The following COL17A1 variants were observed in gnomAD, a reference collection of about 807,000 sequenced individuals.
The protein encoded by COL17A1 is collagen type XVII alpha 1 chain.
A neutral mutation model predicts 218.4 loss-of-function variants in COL17A1; 181 were observed. That is an observed-to-expected ratio of 0.83 (90% confidence interval 0.73 to 0.94). COL17A1 has a LOEUF of 0.94. Among genes scored for constraint, COL17A1 ranks in the 40% least tolerant of loss-of-function variants. The pLI is 0.00. For synonymous variants in COL17A1, 721 were observed against 731.0 expected, an observed-to-expected ratio of 0.99 and a Z score of 0.22; for missense variants, 1,924 against 1,945.9, an observed-to-expected ratio of 0.99 and a Z score of 0.21.
chr10:104,035,259 C>G lies in COL17A1; in HGVS notation c.3619+4G>C, dbSNP rs973181118. ...CCTCCCCATCCCACTCCACAGTGCCCTACTATGTAAGTAAGACGAGAGGTC... is the reference window on the plus strand; with the variant it reads ...CCTCCCCATCCCACTCCACAGTGCCGTACTATGTAAGTAAGACGAGAGGTC... On this transcript the variant is annotated splice_donor_region_variant and intron_variant, in intron 50 of 55. Transcript: ENST00000648076. 5 of 1,611,276 alleles carry G rather than the reference C, an allele frequency of 3.1e-6. No individual in the cohort carries two copies. In the African/African-American group the frequency reaches 6.7e-5, roughly 22 times the overall value.
At chr10:104,063,582 G>C in intron 11 of COL17A1, 165 bp downstream of exon 11, 1 of 1,090,546 alleles carries the variant, frequency 9.2e-7, no homozygotes, top group Non-Finnish European at 1.4e-6. Flanking sequence ...TTTCCCTTGG[G>C]GTCTGAGTTC....
intron 31 of COL17A1, among the ~76,000 whole-genome samples, chr10:104,047,292 C>T (rs2086421404): frequency 6.6e-6 from 1 of 152,038 alleles, no homozygotes; most frequent in Non-Finnish European, 1.5e-5. Context: ...TCCTCCTCGG[C>T]CTCGTGGGTG....
rs760714959 is a variant in COL17A1, at chr10:104,037,688, G to A, written c.3156C>T (p.Gly1052=). The A allele has an allele frequency of 1.4e-5, 22 of 1,614,156 alleles. No individual in the cohort carries two copies. Among genetic ancestry groups the A allele is most frequent in the East Asian group, 2.2e-5 (1 of 44,874 alleles). The change falls in exon 46 of 56, where the codon GGC becomes GGT. Residue 1052 remains glycine (G), a synonymous_variant. Coordinates refer to ENST00000648076, the MANE Select transcript of COL17A1 (RefSeq NM_000494.4). ...GPPGPVTTIT[G]ETFDYSELAS... ...CCAGCTCTGAGTAGTCGAAAGTCTC[G>A]CCTGTGATGGTGGTGACAGGTCCTG...
intron 37 of COL17A1, 43 bp from the exon 38 acceptor site, chr10:104,041,387 G>C (rs775433048): frequency 6.2e-7 from 1 of 1,605,046 alleles, no homozygotes; most frequent in Admixed American, 1.7e-5. Context: ...AGCTCAGGGA[G>C]CTGATGCCAC....
intron 28 of COL17A1, 81 bp from the exon 29 acceptor site, chr10:104,049,552 A>G (rs1589564529): frequency 2.0e-6 from 3 of 1,467,444 alleles, no homozygotes; most frequent in African/African-American, 1.4e-5. Context: ...CCCTCCTCCA[A>G]GAGGTCAAGG....
chr10:104,034,807 G>T (rs1187189875), intron 50 of COL17A1, 40 bp from the exon 51 acceptor site: 1 of 1,602,236 alleles, frequency 6.2e-7, no homozygotes, highest in Non-Finnish European at 8.5e-7. Flanking sequence ...GGGTAGTGCT[G>T]CGGAGGAAGC....
At chr10:104,049,265 C>T (rs1589564335) in intron 29 of COL17A1, 144 bp downstream of exon 29, 1 of 768,526 alleles carries the variant, frequency 1.3e-6, no homozygotes, top group East Asian at 2.7e-5. Context: ...TGCCCAGACA[C>T]AGAAATGACT....
At chr10:104,042,659 C>CT (rs2086371825) in intron 35 of COL17A1, among the ~76,000 whole-genome samples, 1 of 152,188 alleles carries the variant, frequency 6.6e-6, no homozygotes, top group African/African-American at 2.4e-5. Context: ...CCGGGGCAGG[C>CT]GGGACTGCCC....
Position 104,052,097 on chromosome 10 carries a change from T to C in COL17A1, c.2002+58A>G. On this transcript the variant is annotated intron_variant, in intron 24 of 55. Transcript: ENST00000648076. ...CCCAGGGCCTCTTCTCTGTGATCCATCCTGAATGTGGCTTCTCCTCTGGAA... is the reference window on the plus strand; with the variant it reads ...CCCAGGGCCTCTTCTCTGTGATCCACCCTGAATGTGGCTTCTCCTCTGGAA... 3.7e-6 allele frequency: 6 copies of C among 1,611,688 alleles called. No individual in the cohort carries two copies. The South Asian group carries it at 4.4e-5, about 12-fold the overall frequency.
At chr10:104,055,618 G>A (rs963087369) in intron 18 of COL17A1, among the ~76,000 whole-genome samples, 164 bp downstream of exon 18, 1 of 152,186 alleles carries the variant, frequency 6.6e-6, no homozygotes, top group Admixed American at 6.5e-5. Context: ...TGGGACCACA[G>A]TCTTGGTCCC....
At chr10:104,049,494 T>G in intron 28 of COL17A1, 23 bp from the exon 29 acceptor site, 3 of 1,613,810 alleles carry the variant, frequency 1.9e-6, no homozygotes, top group Non-Finnish European at 2.5e-6. Flanking sequence ...AAGAACTAGC[T>G]GGTTGGACAC....
chr10:104,036,182 A>ATGTGTGTGTATGGGAGTGTGTGTATG (rs2086295618), intron 48 of COL17A1, among the ~76,000 whole-genome samples: 1 of 1,990 alleles, frequency 5.0e-4, no homozygotes, highest in African/African-American at 1.7e-3. Flanking sequence ...GTGTGTATGG[A>ATGTGTGTGTATGGGAGTGTGTGTATG]AGTGAGTGTG....
chr10:104,066,370 AAAT>A (rs2086626093), intron 9 of COL17A1, among the ~76,000 whole-genome samples: 1 of 152,216 alleles, frequency 6.6e-6, no homozygotes, highest in African/African-American at 2.4e-5. Context: ...GAAAAGCAAA[AAAT>A]GATAAAGTAT....
chr10:104,065,686 T>C (rs1051017031), intron 9 of COL17A1, among the ~76,000 whole-genome samples: 1 of 152,174 alleles, frequency 6.6e-6, no homozygotes, highest in African/African-American at 2.4e-5. Flanking sequence ...AGAGAATCTC[T>C]AGGATTTAGG....
At position 104,032,141 on chromosome 10, in the gene COL17A1, T is replaced by G; in HGVS notation, c.*94A>C. 1 of 971,494 alleles carries G rather than the reference T, an allele frequency of 1.0e-6. No homozygotes were observed. The highest frequency in any genetic ancestry group is 1.7e-6 in the Non-Finnish European group (1 of 603,302). 60.2% of individuals were successfully genotyped at this position (971,494 alleles called of 1,614,324 possible). A position where few individuals can be genotyped will look rare whatever the true frequency, so the allele number is the denominator to read the frequency against. The stretch of plus-strand genomic sequence containing the variant: ...TGGCTGTGCTGTCTCAGTAGGACAT[T>G]GACAGACTCCAGCTTTCACCCTCTG... On this transcript the variant is annotated 3_prime_UTR_variant, in exon 56 of 56. Transcript: ENST00000648076.
chr10:104,071,692 G>A (rs773234555), intron 8 of COL17A1, among the ~76,000 whole-genome samples: 45 of 151,956 alleles, frequency 3.0e-4, no homozygotes, highest in African/African-American at 4.6e-4. Context: ...CACCTACCCC[G>A]GGAAGTCTTC....
intron 13 of COL17A1, 23 bp from the exon 14 acceptor site, chr10:104,060,303 AGAAG>A (rs775163002): frequency 6.2e-7 from 1 of 1,613,622 alleles, no homozygotes; most frequent in Non-Finnish European, 8.5e-7. Flanking sequence ...AAAATGGGTA[AGAAG>A]GAAGGACATG....
intron 10 of COL17A1, among the ~76,000 whole-genome samples, chr10:104,064,068 C>T (rs1283337160): frequency 1.3e-5 from 2 of 152,216 alleles, no homozygotes; most frequent in African/African-American, 4.8e-5. Flanking sequence ...TGGGTCCAGC[C>T]AAAGGCTCTC....
At chr10:104,075,457 G>A (rs1315730471) in intron 5 of COL17A1, among the ~76,000 whole-genome samples, 4 of 151,828 alleles carry the variant, frequency 2.6e-5, no homozygotes, top group African/African-American at 9.7e-5. Context: ...TTCCACCTCA[G>A]TGATAACTTT....
Sources: allele counts gnomAD v4.1 joint callset (sites outside exome capture counted in the v4.1 genomes callset), GRCh38; gene constraint gnomAD v4.1.1; transcripts MANE v1.5; gene names NCBI Gene and HGNC (gene_info 2026-07-23, HGNC 2026-07-21).